Variants in PDZRN4 observed in about 807,000 individuals in gnomAD.
PDZRN4 encodes PDZ domain containing ring finger 4, also known as PDZ domain-containing RING finger protein 4.
PDZRN4 carries 70 observed loss-of-function variants against 99.0 expected under a neutral mutation model. The ratio of observed to expected loss-of-function variants is 0.71; its 90% confidence interval spans 0.58 to 0.86. PDZRN4 has a LOEUF of 0.86. Among genes scored for constraint, PDZRN4 ranks in the 40% least tolerant of loss-of-function variants. The pLI is 0.00. For missense variants in PDZRN4, 1,474 were observed against 1,331.2 expected, an observed-to-expected ratio of 1.11 and a Z score of -1.67; for synonymous variants, 551 against 501.6, an observed-to-expected ratio of 1.10 and a Z score of -1.32.
intron 3 of PDZRN4, among the ~76,000 whole-genome samples, chr12:41,498,537 G>A (rs1272683116): frequency 6.6e-6 from 1 of 152,130 alleles, no homozygotes; most frequent in African/African-American, 2.4e-5. Context: ...GGGAAGGAGA[G>A]TAAACACATT....
intron 3 of PDZRN4, among the ~76,000 whole-genome samples, chr12:41,456,924 G>A (rs890217559): frequency 6.6e-6 from 1 of 152,194 alleles, no homozygotes; most frequent in South Asian, 2.1e-4. Flanking sequence ...AGGGCCAATG[G>A]AGAAGGCAGA....
intron 3 of PDZRN4, among the ~76,000 whole-genome samples, chr12:41,306,985 T>C (rs981633018): frequency 6.6e-6 from 1 of 152,206 alleles, no homozygotes; most frequent in Non-Finnish European, 1.5e-5. Context: ...TCTCTCCAGC[T>C]CTCTCTTTCC....
rs930010760 is a variant in PDZRN4, at chr12:41,301,779, G to A, written c.843+107591G>A. Reference sequence around the variant, plus strand: ...ATCAGGATGCCTGGCACCAAAATACGGATGGAAAGAGCCTGGGATTTGCTT... The same window carrying A: ...ATCAGGATGCCTGGCACCAAAATACAGATGGAAAGAGCCTGGGATTTGCTT... On this transcript the variant is annotated intron_variant, in intron 3 of 9. Coordinates refer to ENST00000402685, the MANE Select transcript of PDZRN4 (RefSeq NM_001164595.2). 2.6e-5 allele frequency among the ~76,000 whole-genome samples: 4 copies of A among 151,972 alleles called. No homozygotes were observed. In the East Asian group the frequency reaches 7.7e-4, roughly 29 times the overall value.
At chr12:41,481,482 T>A (rs1937673721) in intron 3 of PDZRN4, among the ~76,000 whole-genome samples, 1 of 152,172 alleles carries the variant, frequency 6.6e-6, no homozygotes, top group Admixed American at 6.6e-5. Context: ...CTCTCCCTGT[T>A]TTTCCATATG....
chr12:41,209,281 T>C (rs1414836033), intron 3 of PDZRN4, among the ~76,000 whole-genome samples: 1 of 151,950 alleles, frequency 6.6e-6, no homozygotes, highest in African/African-American at 2.4e-5. Context: ...AAATTAGGCA[T>C]CATTTTCTTT....
intron 3 of PDZRN4, among the ~76,000 whole-genome samples, chr12:41,278,840 T>C (rs1158588038): frequency 1.3e-5 from 2 of 152,118 alleles, no homozygotes; most frequent in African/African-American, 2.4e-5. Flanking sequence ...AAATGGAGGG[T>C]CTCAGTATTT....
intron 3 of PDZRN4, among the ~76,000 whole-genome samples, chr12:41,276,119 A>C (rs112705858): frequency 0.012 from 1,810 of 152,274 alleles, 20 homozygotes; most frequent in African/African-American, 0.027. Flanking sequence ...CAGCAATCCC[A>C]AGGGACAAAT....
At chr12:41,503,123 G>T (rs1565600220) in intron 3 of PDZRN4, among the ~76,000 whole-genome samples, 1 of 149,910 alleles carries the variant, frequency 6.7e-6, no homozygotes, top group East Asian at 2.0e-4. Context: ...CAAGTGAAGT[G>T]AAAAAAAAAT....
chr12:41,368,712 T>G (rs1952019501), intron 3 of PDZRN4, among the ~76,000 whole-genome samples: 1 of 152,108 alleles, frequency 6.6e-6, no homozygotes. Context: ...ATGCAAAACA[T>G]TATGATATTA....
intron 3 of PDZRN4, among the ~76,000 whole-genome samples, chr12:41,323,457 T>C (rs1951692561): frequency 6.6e-6 from 1 of 152,070 alleles, no homozygotes; most frequent in African/African-American, 2.4e-5. Context: ...CCAAAAGCAA[T>C]GAAGTTATTG....
intron 3 of PDZRN4, among the ~76,000 whole-genome samples, chr12:41,362,172 G>A (rs1010753775): frequency 2.0e-5 from 3 of 151,966 alleles, no homozygotes; most frequent in African/African-American, 7.2e-5. Flanking sequence ...TTTTCATGTC[G>A]CACCATCGTC....
chr12:41,211,501 G>C (rs1950888583), intron 3 of PDZRN4, among the ~76,000 whole-genome samples: 1 of 151,806 alleles, frequency 6.6e-6, no homozygotes, highest in Non-Finnish European at 1.5e-5. Flanking sequence ...TGTTGAAGAA[G>C]CTTTTCTCTG....
At chr12:41,428,729 A>G (rs920625621) in intron 3 of PDZRN4, among the ~76,000 whole-genome samples, 1 of 152,168 alleles carries the variant, frequency 6.6e-6, no homozygotes, top group Non-Finnish European at 1.5e-5. Flanking sequence ...GTGTGTGTGT[A>G]GGCAGAGAAG....
At chr12:41,236,852 T>G (rs999864059) in intron 3 of PDZRN4, among the ~76,000 whole-genome samples, 1 of 152,174 alleles carries the variant, frequency 6.6e-6, no homozygotes, top group Non-Finnish European at 1.5e-5. Context: ...GGATTTTCTT[T>G]CATAGCCCCA....
chr12:41,222,360 G>C (rs1422121634), intron 3 of PDZRN4, among the ~76,000 whole-genome samples: 1 of 152,022 alleles, frequency 6.6e-6, no homozygotes, highest in Non-Finnish European at 1.5e-5. Flanking sequence ...ACTGCTATCT[G>C]CCCTTAGGCA....
chr12:41,373,510 C>T lies in PDZRN4; in HGVS notation c.844-132946C>T, dbSNP rs534890580. On this transcript the variant is annotated intron_variant, in intron 3 of 9. Transcript: ENST00000402685. Reference sequence around the variant, plus strand: ...AATTCAGCAATATTTTTCCCATTTGCTTTTGAAAGAAGAGAAATATGGCCC... The same window carrying T: ...AATTCAGCAATATTTTTCCCATTTGTTTTTGAAAGAAGAGAAATATGGCCC... 2.0e-5 allele frequency among the ~76,000 whole-genome samples: 3 copies of T among 152,224 alleles called. No homozygotes were observed. The East Asian group carries it at 5.8e-4, about 29-fold the overall frequency.
chr12:41,272,390 A>G (rs1951320107), intron 3 of PDZRN4, among the ~76,000 whole-genome samples: 1 of 152,100 alleles, frequency 6.6e-6, no homozygotes, highest in African/African-American at 2.4e-5. Flanking sequence ...TGTATGAAAT[A>G]TACTTCACAG....
Position 41,188,434 on chromosome 12 carries a change from C to G in PDZRN4, c.-22C>G. The stretch of plus-strand genomic sequence containing the variant: ...AGAAGACGGACTCTGCTTTCGCTCC[C>G]CCTTTCTTCCCCATCCCTAACATGG... On this transcript the variant is annotated 5_prime_UTR_variant, in exon 1 of 10. Transcript: ENST00000402685. 1 of 1,554,302 alleles carries G rather than the reference C, an allele frequency of 6.4e-7. No individual in the cohort carries two copies. The highest frequency in any genetic ancestry group is 8.6e-7 in the Non-Finnish European group (1 of 1,156,762).
chr12:41,488,576 C>T (rs1178217422), intron 3 of PDZRN4, among the ~76,000 whole-genome samples: 1 of 152,094 alleles, frequency 6.6e-6, no homozygotes, highest in East Asian at 1.9e-4. Flanking sequence ...CTCAAGAAAC[C>T]TGGCGTGTAG....
Sources: allele counts gnomAD v4.1 joint callset (sites outside exome capture counted in the v4.1 genomes callset), GRCh38; gene constraint gnomAD v4.1.1; transcripts MANE v1.5; gene names NCBI Gene and HGNC (gene_info 2026-07-23, HGNC 2026-07-21).